The following EXOC6B variants were observed in gnomAD, a reference collection of about 807,000 sequenced individuals.
EXOC6B encodes exocyst complex component 6B.
EXOC6B carries 54 observed loss-of-function variants against 113.5 expected under a neutral mutation model. The observed-to-expected ratio is 0.48, with a 90% CI of 0.38 to 0.60. The LOEUF (loss-of-function observed/expected upper bound fraction) is 0.60, where lower values mean the gene tolerates loss of function less well. EXOC6B is among the 20% of genes least tolerant of loss of function. The probability of loss-of-function intolerance (pLI) is 0.00; values close to 1 mark genes in which losing one functional copy is unlikely to be tolerated. For missense variants in EXOC6B, 797 were observed against 977.5 expected (o/e 0.82, Z 2.46); for synonymous variants, 357 against 339.0 (o/e 1.05, Z -0.58).
chr2:72,534,882 C>G (rs1702195622), intron 8 of EXOC6B, among the ~76,000 whole-genome samples: 2 of 152,144 alleles, frequency 1.3e-5, no homozygotes, highest in Admixed American at 1.3e-4. Flanking sequence ...CACTTCCAGA[C>G]AAGTGTAGCT....
chr2:72,296,912 G>A (rs895719058), intron 20 of EXOC6B, among the ~76,000 whole-genome samples: 1 of 152,168 alleles, frequency 6.6e-6, no homozygotes, highest in Non-Finnish European at 1.5e-5. Context: ...CAGAAGGAAG[G>A]AGGACAAGGA....
intron 1 of EXOC6B, among the ~76,000 whole-genome samples, chr2:72,795,725 T>G (rs937546494): frequency 3.1e-4 from 47 of 152,074 alleles, no homozygotes; most frequent in African/African-American, 1.1e-3. Context: ...CAAAGGAAAA[T>G]CAAGGTTACA....
intron 6 of EXOC6B, among the ~76,000 whole-genome samples, chr2:72,589,320 ACAC>A (rs1285631766): frequency 1.3e-5 from 2 of 152,032 alleles, no homozygotes; most frequent in Non-Finnish European, 2.9e-5. Flanking sequence ...AAGACAGTTG[ACAC>A]AAACTTAGTA....
intron 1 of EXOC6B, among the ~76,000 whole-genome samples, chr2:72,761,156 G>A (rs1359265904): frequency 6.6e-6 from 1 of 152,038 alleles, no homozygotes; most frequent in African/African-American, 2.4e-5. Flanking sequence ...CTGCAACCTG[G>A]CTGAAGAGCA....
intron 20 of EXOC6B, among the ~76,000 whole-genome samples, chr2:72,318,220 C>A (rs1007880934): frequency 6.6e-6 from 1 of 151,834 alleles, no homozygotes; most frequent in Non-Finnish European, 1.5e-5. Context: ...AATTAAAAAC[C>A]GAAATAAAAC....
chr2:72,505,995 TATTAATATTTGTTGTAA>T (rs1573280467), intron 11 of EXOC6B, among the ~76,000 whole-genome samples: 1 of 152,118 alleles, frequency 6.6e-6, no homozygotes, highest in African/African-American at 2.4e-5. Flanking sequence ...CAACCAAATA[TATTAATATTTGTTGTAA>T]ATGGCTGGAT....
intron 1 of EXOC6B, among the ~76,000 whole-genome samples, chr2:72,743,854 C>A (rs1448316215): frequency 6.6e-6 from 1 of 152,140 alleles, no homozygotes; most frequent in African/African-American, 2.4e-5. Flanking sequence ...ACCACACCCC[C>A]CACAGGAGGT....
chr2:72,210,412 G>A (rs147566865), intron 20 of EXOC6B, among the ~76,000 whole-genome samples: 1 of 152,288 alleles, frequency 6.6e-6, no homozygotes, highest in Non-Finnish European at 1.5e-5. Flanking sequence ...GATCACCACA[G>A]AAAGTTTAGA....
chr2:72,471,091 A>G (rs949096943), intron 17 of EXOC6B, among the ~76,000 whole-genome samples: 17 of 152,156 alleles, frequency 1.1e-4, no homozygotes, highest in Non-Finnish European at 2.5e-4. Flanking sequence ...CAACAGTGTA[A>G]AAGTGTTCCT....
chr2:72,655,208 C>T (rs765989736), intron 6 of EXOC6B, among the ~76,000 whole-genome samples: 7 of 152,144 alleles, frequency 4.6e-5, no homozygotes, highest in Non-Finnish European at 1.0e-4. Context: ...TTATGCAAAA[C>T]TCCCTATGAT....
intron 8 of EXOC6B, among the ~76,000 whole-genome samples, chr2:72,518,232 A>C (rs1701312790): frequency 6.6e-6 from 1 of 152,198 alleles, no homozygotes; most frequent in African/African-American, 2.4e-5. Flanking sequence ...AATAGATATA[A>C]AACAATAAGC....
At chr2:72,721,136 C>T (rs1415708801) in intron 5 of EXOC6B, among the ~76,000 whole-genome samples, 2 of 151,764 alleles carry the variant, frequency 1.3e-5, no homozygotes, top group Non-Finnish European at 2.9e-5. Flanking sequence ...CAAGACAAGC[C>T]TAGGCAACAT....
intron 5 of EXOC6B, among the ~76,000 whole-genome samples, chr2:72,730,056 C>G (rs905515550): frequency 2.0e-5 from 3 of 152,106 alleles, no homozygotes; most frequent in Non-Finnish European, 4.4e-5. Context: ...TACAGGGCAT[C>G]TCAGGGCAGA....
At chr2:72,265,834 C>T (rs1271419298) in intron 20 of EXOC6B, among the ~76,000 whole-genome samples, 3 of 152,202 alleles carry the variant, frequency 2.0e-5, no homozygotes, top group Non-Finnish European at 4.4e-5. Flanking sequence ...ACCACACTGT[C>T]TTCCACAATG....
At chr2:72,344,810 A>C (rs1240825502) in intron 19 of EXOC6B, among the ~76,000 whole-genome samples, 1 of 152,078 alleles carries the variant, frequency 6.6e-6, no homozygotes, top group Admixed American at 6.6e-5. Flanking sequence ...AAAAAGAAAA[A>C]AAAATGAAGA....
chr2:72,767,517 A>G (rs1683133478), intron 1 of EXOC6B, among the ~76,000 whole-genome samples: 1 of 151,838 alleles, frequency 6.6e-6, no homozygotes, highest in Non-Finnish European at 1.5e-5. Context: ...CCACATTAAC[A>G]ATTGGAACTG....
intron 17 of EXOC6B, among the ~76,000 whole-genome samples, chr2:72,466,156 C>A (rs1235213965): frequency 2.0e-5 from 3 of 151,902 alleles, no homozygotes; most frequent in African/African-American, 7.3e-5. Flanking sequence ...ACCAGCCTGG[C>A]CAACATGGTG....
At chr2:72,677,994 G>A (rs1676431505) in intron 6 of EXOC6B, among the ~76,000 whole-genome samples, 1 of 152,080 alleles carries the variant, frequency 6.6e-6, no homozygotes. Flanking sequence ...ATTGCAGTAG[G>A]ACTCTCTAGA....
chr2:72,737,718 G>A (rs899821575), intron 2 of EXOC6B, among the ~76,000 whole-genome samples: 5 of 152,044 alleles, frequency 3.3e-5, no homozygotes, highest in African/African-American at 1.2e-4. Flanking sequence ...GCCAGGCATG[G>A]TGGTGCACCT....
Sources: allele counts gnomAD v4.1 joint callset (sites outside exome capture counted in the v4.1 genomes callset), GRCh38; gene constraint gnomAD v4.1.1; transcripts MANE v1.5; gene names NCBI Gene and HGNC (gene_info 2026-07-23, HGNC 2026-07-21).